The following EYS variants were observed in gnomAD, a reference collection of about 807,000 sequenced individuals.
The protein encoded by EYS is protein eyes shut homolog.
A neutral mutation model predicts 282.1 loss-of-function variants in EYS; 250 were observed. The observed-to-expected ratio is 0.89, with a 90% CI of 0.80 to 0.98. The LOEUF is 0.98. Ranked by LOEUF, EYS falls within the 50% of genes least tolerant of loss-of-function variation. The pLI, the probability that EYS is intolerant of heterozygous loss-of-function variation, is 0.00. For missense variants in EYS, 4,016 were observed against 3,709.0 expected (o/e 1.08, Z -2.15); for synonymous variants, 1,355 against 1,282.9 (o/e 1.06, Z -1.20).
chr6:64,457,294 CT>C (rs1341923799), intron 26 of EYS, among the ~76,000 whole-genome samples: 1 of 151,902 alleles, frequency 6.6e-6, no homozygotes, highest in Non-Finnish European at 1.5e-5. Context: ...ATGATCTATC[CT>C]AGAGAATGTT....
chr6:63,881,166 C>T (rs549745587), intron 35 of EYS, among the ~76,000 whole-genome samples: 1 of 152,250 alleles, frequency 6.6e-6, no homozygotes, highest in Non-Finnish European at 1.5e-5. Context: ...TAAGATTTCA[C>T]TATTTGGGGG....
intron 35 of EYS, among the ~76,000 whole-genome samples, chr6:63,886,045 T>G (rs1263121927): frequency 6.6e-6 from 1 of 152,178 alleles, no homozygotes; most frequent in Non-Finnish European, 1.5e-5. Context: ...TATAGGAACT[T>G]GAATGTTGGC....
At chr6:65,300,183 G>A (rs1348044064) in intron 11 of EYS, among the ~76,000 whole-genome samples, 5 of 151,852 alleles carry the variant, frequency 3.3e-5, no homozygotes, top group Non-Finnish European at 5.9e-5. Flanking sequence ...CAGTCTTTTT[G>A]TCCTTAGAAA....
intron 1 of EYS, among the ~76,000 whole-genome samples, chr6:65,689,105 C>A (rs1327131985): frequency 6.7e-6 from 1 of 150,172 alleles, no homozygotes; most frequent in Admixed American, 6.7e-5. Context: ...TTCACAATAG[C>A]AAAGACTTGG....
intron 12 of EYS, among the ~76,000 whole-genome samples, chr6:65,063,786 A>G (rs755761815): frequency 2.6e-5 from 4 of 152,020 alleles, no homozygotes; most frequent in Non-Finnish European, 5.9e-5. Flanking sequence ...GGTGACAAAT[A>G]GCCATTGGCT....
intron 22 of EYS, among the ~76,000 whole-genome samples, chr6:64,734,653 C>T (rs151253590): frequency 1.2e-3 from 185 of 152,230 alleles, no homozygotes; most frequent in African/African-American, 4.3e-3. Flanking sequence ...TAAGTTCTCT[C>T]TCAAGGAAAA....
At chr6:65,060,808 A>G (rs1313482818) in intron 12 of EYS, among the ~76,000 whole-genome samples, 19 of 149,958 alleles carry the variant, frequency 1.3e-4, no homozygotes. Context: ...ATATACACAC[A>G]CATACATATA....
At chr6:64,799,764 T>C (rs2150006851) in intron 22 of EYS, among the ~76,000 whole-genome samples, 1 of 151,616 alleles carries the variant, frequency 6.6e-6, no homozygotes, top group East Asian at 1.9e-4. Context: ...AAGAAAACAT[T>C]TATAGTTTTA....
chr6:64,591,062 G>A lies in EYS; in HGVS notation c.4805C>T (p.Ala1602Val), dbSNP rs1353073807. The change falls in exon 26 of 43, where the codon GCT (alanine) becomes GTT (valine). Residue 1602 changes from alanine (A) to valine (V), a missense_variant. Ala to Val is a moderately conservative substitution (Grantham distance 64, BLOSUM62 0). Transcript: ENST00000503581. ...ILASWYALMG[A>V]QTITSGHSFS... ...TGAATGCCCAGAAGTGATAGTTTGA[G>A]CTCCCATTAGTGCATACCAGCTGGC... 5.2e-6 allele frequency: 8 copies of A among 1,551,176 alleles called. No homozygotes were observed. The highest frequency in any genetic ancestry group is 7.0e-6 in the Non-Finnish European group (8 of 1,146,790).
chr6:65,109,980 C>G (rs6907531), intron 12 of EYS, among the ~76,000 whole-genome samples: 39,532 of 151,996 alleles, frequency 0.26, 6,284 homozygotes, highest in African/African-American at 0.44. Flanking sequence ...ATAAGACTAG[C>G]CTTTCTTCTC....
intron 2 of EYS, among the ~76,000 whole-genome samples, chr6:65,504,332 G>T (rs1766572230): frequency 6.6e-6 from 1 of 151,304 alleles, no homozygotes. Context: ...CTTATTTAAG[G>T]CATTTTTTAA....
At chr6:63,932,586 C>T (rs1352513460) in intron 35 of EYS, among the ~76,000 whole-genome samples, 2 of 152,136 alleles carry the variant, frequency 1.3e-5, no homozygotes, top group African/African-American at 4.8e-5. Context: ...TCTCTCTATG[C>T]CCACTGCTGC....
At chr6:64,338,371 C>G (rs1423794578) in intron 29 of EYS, among the ~76,000 whole-genome samples, 1 of 151,636 alleles carries the variant, frequency 6.6e-6, no homozygotes, top group Non-Finnish European at 1.5e-5. Context: ...AAGTCTACCC[C>G]TTTTACAACA....
At chr6:64,305,819 A>G (rs1769422105) in intron 30 of EYS, among the ~76,000 whole-genome samples, 1 of 152,370 alleles carries the variant, frequency 6.6e-6, no homozygotes, top group South Asian at 2.1e-4. Context: ...AGAATTTGGC[A>G]GTTATTTCTT....
At chr6:64,172,863 T>C (rs1764522929) in intron 31 of EYS, among the ~76,000 whole-genome samples, 1 of 152,206 alleles carries the variant, frequency 6.6e-6, no homozygotes, top group Non-Finnish European at 1.5e-5. Context: ...CTTATAAGAA[T>C]CTAATGCCTG....
intron 30 of EYS, among the ~76,000 whole-genome samples, chr6:64,300,049 A>G (rs1266268758): frequency 6.6e-6 from 1 of 152,216 alleles, no homozygotes; most frequent in Non-Finnish European, 1.5e-5. Flanking sequence ...GGGATACCCT[A>G]GTTATGGGAC....
At chr6:64,096,965 C>G (rs977665489) in intron 31 of EYS, among the ~76,000 whole-genome samples, 4 of 152,190 alleles carry the variant, frequency 2.6e-5, no homozygotes, top group Admixed American at 6.5e-5. Flanking sequence ...AGTTTTCCTT[C>G]TAACAGTCAG....
intron 26 of EYS, among the ~76,000 whole-genome samples, chr6:64,561,141 A>C (rs1191601348): frequency 6.6e-6 from 1 of 152,140 alleles, no homozygotes; most frequent in Non-Finnish European, 1.5e-5. Flanking sequence ...AATGTTAAAA[A>C]CTTTCAATAA....
intron 31 of EYS, among the ~76,000 whole-genome samples, chr6:64,187,725 A>G (rs1298376680): frequency 6.6e-6 from 1 of 152,052 alleles, no homozygotes. Flanking sequence ...AGCAATAGAT[A>G]TTGTTTCATT....
Sources: allele counts gnomAD v4.1 joint callset (sites outside exome capture counted in the v4.1 genomes callset), GRCh38; gene constraint gnomAD v4.1.1; transcripts MANE v1.5; gene names NCBI Gene and HGNC (gene_info 2026-07-23, HGNC 2026-07-21).